Variants in ERC2 observed in about 807,000 individuals in gnomAD.
ERC2 encodes ERC protein 2.
ERC2 carries 42 observed loss-of-function variants against 114.8 expected under a neutral mutation model. That is an observed-to-expected ratio of 0.37 (90% CI 0.29 to 0.47). The LOEUF (loss-of-function observed/expected upper bound fraction) is 0.47. Among genes scored for constraint, ERC2 ranks in the 20% least tolerant of loss-of-function variants. ERC2 has a pLI of 0.99. For synonymous variants in ERC2, 454 were observed against 425.5 expected (o/e 1.07, Z -0.82); for missense variants, 939 against 1,150.7 (o/e 0.82, Z 2.66).
At chr3:55,532,250 G>A (rs1422772756) in intron 17 of ERC2, among the ~76,000 whole-genome samples, 5 of 152,188 alleles carry the variant, frequency 3.3e-5, no homozygotes, top group East Asian at 1.9e-4. Flanking sequence ...CACAGAGGGT[G>A]ACCTGGGTTG....
At chr3:56,082,995 C>T (rs1013051497) in intron 6 of ERC2, among the ~76,000 whole-genome samples, 1 of 152,136 alleles carries the variant, frequency 6.6e-6, no homozygotes, top group African/African-American at 2.4e-5. Context: ...CACACCTCTT[C>T]GTCTGTGGAA....
intron 6 of ERC2, among the ~76,000 whole-genome samples, chr3:56,131,198 G>A (rs942474966): frequency 1.1e-4 from 17 of 152,084 alleles, no homozygotes; most frequent in Admixed American, 1.1e-3. Context: ...GCAGGTTTAT[G>A]TCTTTTTCTT....
At chr3:56,221,800 A>G (rs1402226508) in intron 3 of ERC2, among the ~76,000 whole-genome samples, 1 of 152,126 alleles carries the variant, frequency 6.6e-6, no homozygotes, top group Non-Finnish European at 1.5e-5. Context: ...GCTCCTTGGG[A>G]GGCTGAGGCA....
rs1283218508 is a variant in ERC2, at chr3:55,992,199, T to C, written c.2113A>G (p.Ile705Val). The C allele has an allele frequency of 1.2e-6, 2 of 1,613,776 alleles. No individual in the cohort carries two copies. Among genetic ancestry groups the C allele is most frequent in the Admixed American group, 3.3e-5 (2 of 59,992 alleles). The change falls in exon 11 of 18, where the codon ATA becomes GTA. Residue 705 changes from isoleucine (I) to valine (V), a missense_variant. Transcript: ENST00000288221. ...SRMNPEFADQ[I>V]KQLDKEASYY... ...GACGCCTCTTTATCGAGCTGTTTTATTTGGTCTGCAAACTCAGGGTTCATC... is the reference window on the plus strand; with the variant it reads ...GACGCCTCTTTATCGAGCTGTTTTACTTGGTCTGCAAACTCAGGGTTCATC...
chr3:55,744,275 A>G (rs1411353848), intron 14 of ERC2, among the ~76,000 whole-genome samples: 1 of 152,128 alleles, frequency 6.6e-6, no homozygotes, highest in Non-Finnish European at 1.5e-5. Context: ...GTGGTAGCGG[A>G]CACCTGTAAT....
chr3:56,149,660 T>C (rs1221874270), intron 4 of ERC2, among the ~76,000 whole-genome samples: 1 of 152,170 alleles, frequency 6.6e-6, no homozygotes. Context: ...TGAAACTAAA[T>C]AACTGAATCT....
intron 15 of ERC2, among the ~76,000 whole-genome samples, chr3:55,724,097 C>T (rs1045378255): frequency 6.6e-6 from 1 of 151,642 alleles, no homozygotes; most frequent in African/African-American, 2.4e-5. Context: ...CAACAGATAC[C>T]TTGAGAATGA....
intron 14 of ERC2, among the ~76,000 whole-genome samples, chr3:55,800,778 T>G (rs1057473949): frequency 6.6e-6 from 1 of 152,138 alleles, no homozygotes; most frequent in Non-Finnish European, 1.5e-5. Flanking sequence ...AGCAGAGAGC[T>G]CTGCACCCTC....
chr3:55,828,749 G>A (rs79257513), intron 14 of ERC2, among the ~76,000 whole-genome samples: 4,392 of 152,042 alleles, frequency 0.029, 90 homozygotes, highest in Non-Finnish European at 0.047. Context: ...ACAGACTTGT[G>A]GTAGGAACCT....
intron 17 of ERC2, among the ~76,000 whole-genome samples, chr3:55,558,135 C>G (rs1256437032): frequency 6.6e-6 from 1 of 152,200 alleles, no homozygotes; most frequent in Non-Finnish European, 1.5e-5. Context: ...ACTTGTCCTG[C>G]CTCTCTGCCT....
At chr3:55,574,182 G>C (rs935284148) in intron 17 of ERC2, among the ~76,000 whole-genome samples, 1 of 152,122 alleles carries the variant, frequency 6.6e-6, no homozygotes, top group Non-Finnish European at 1.5e-5. Context: ...ACTGTGGTCC[G>C]TACAGGTGAA....
intron 1 of ERC2, chr3:56,467,089 C>G (rs1377386798): frequency 1.3e-5 from 2 of 152,250 alleles, no homozygotes; most frequent in African/African-American, 4.8e-5. Flanking sequence ...AGTCCATTTT[C>G]AAAGAGTTTT....
At chr3:55,708,547 G>T (rs528187117) in intron 15 of ERC2, among the ~76,000 whole-genome samples, 1 of 152,258 alleles carries the variant, frequency 6.6e-6, no homozygotes, top group East Asian at 1.9e-4. Context: ...TGAAGAGCCT[G>T]GGTAAACAAC....
chr3:55,613,070 T>C (rs1471739891), intron 17 of ERC2: 1 of 152,224 alleles, frequency 6.6e-6, no homozygotes, highest in Non-Finnish European at 1.5e-5. Context: ...TGAAAGTGCA[T>C]GTCTAGAAAT....
intron 3 of ERC2, among the ~76,000 whole-genome samples, chr3:56,281,405 C>G (rs2054334544): frequency 1.1e-5 from 1 of 91,348 alleles, no homozygotes; most frequent in Admixed American, 1.6e-4. Flanking sequence ...CCACTGCACT[C>G]CAGCCTGGGT....
At chr3:56,365,716 AG>A (rs2059124319) in intron 2 of ERC2, among the ~76,000 whole-genome samples, 1 of 152,272 alleles carries the variant, frequency 6.6e-6, no homozygotes, top group Non-Finnish European at 1.5e-5. Flanking sequence ...TTAATAATAA[AG>A]TTTAATTGGA....
chr3:56,079,668 G>T (rs1321256271), intron 7 of ERC2, among the ~76,000 whole-genome samples: 1 of 152,066 alleles, frequency 6.6e-6, no homozygotes, highest in East Asian at 1.9e-4. Flanking sequence ...AGGCTCTACG[G>T]TTACCATCCT....
intron 15 of ERC2, among the ~76,000 whole-genome samples, chr3:55,715,043 G>T (rs2148868555): frequency 6.6e-6 from 1 of 152,152 alleles, no homozygotes; most frequent in Non-Finnish European, 1.5e-5. Context: ...ATTCAATGGA[G>T]CACCCTAACT....
At chr3:56,367,945 TAAAAAAAAAAA>T (rs56372235) in intron 2 of ERC2, among the ~76,000 whole-genome samples, 7 of 118,076 alleles carry the variant, frequency 5.9e-5, no homozygotes, top group African/African-American at 2.2e-4. Flanking sequence ...CATCTCTCTT[TAAAAAAAAAAA>T]AAAAAAAAAA....
Sources: gnomAD v4.1 joint callset for allele counts (sites outside exome capture counted in the v4.1 genomes callset) on GRCh38, gnomAD v4.1.1 for gene constraint, MANE v1.5 for transcripts, NCBI Gene and HGNC (gene_info 2026-07-23, HGNC 2026-07-21) for gene names.